The following ZNF610 variants were observed in gnomAD, a reference collection of about 807,000 sequenced individuals.
ZNF610 encodes the protein zink finger protein.
In ZNF610, 14 loss-of-function variants were observed where a neutral mutation model predicts 14.1. The observed-to-expected ratio is 0.99, with a 90% CI of 0.65 to 1.55. ZNF610 has a LOEUF of 1.55. Among genes scored for constraint, ZNF610 ranks in the 40% most tolerant of loss-of-function variants. ZNF610 has a pLI of 0.00. For synonymous variants in ZNF610, 185 were observed against 187.6 expected (o/e 0.99, Z 0.11); for missense variants, 530 against 558.0 (o/e 0.95, Z 0.51).
chr19:52,349,051 G>A, intron 2 of ZNF610, 103 bp from the exon 3 acceptor site: 1 of 754,098 alleles, frequency 1.3e-6, no homozygotes, highest in Non-Finnish European at 2.2e-6. Context: ...GGCAACAGAG[G>A]ACATCTTTCC....
intron 5 of ZNF610, among the ~76,000 whole-genome samples, chr19:52,358,808 G>A (rs321940): frequency 0.45 from 68,531 of 152,010 alleles, 16,021 homozygotes; most frequent in African/African-American, 0.58. Flanking sequence ...TCATGAATTG[G>A]CTTTCAGATA....
At chr19:52,338,123 C>T (rs1490778286) in intron 1 of ZNF610, among the ~76,000 whole-genome samples, 1 of 152,200 alleles carries the variant, frequency 6.6e-6, no homozygotes, top group African/African-American at 2.4e-5. Context: ...GCCTCAGATT[C>T]TACAGGTTGA....
chr19:52,352,307 C>T (rs767636086), intron 3 of ZNF610, among the ~76,000 whole-genome samples: 6 of 152,068 alleles, frequency 3.9e-5, no homozygotes, highest in Admixed American at 2.6e-4. Context: ...GGCGTGATCT[C>T]GGCTCACTGC....
chr19:52,365,580 A>G, intron 5 of ZNF610, 118 bp from the exon 6 acceptor site: 1 of 916,552 alleles, frequency 1.1e-6, no homozygotes, highest in Non-Finnish European at 1.7e-6. Context: ...TGTGACATGC[A>G]AAGTATGCCG....
rs186676334 is a variant in ZNF610 at position 52,363,846 on chromosome 19, T to C, written c.320-1852T>C. Among the ~76,000 whole-genome samples the C allele has an allele frequency of 9.8e-5, 15 of 152,346 alleles. No homozygotes were observed. In the East Asian group the frequency reaches 2.9e-3, roughly 29 times the overall value. ...AAATCATTTGTATTTCACATACTCA[T>C]AGAGAAGGCCTTAATAGTGCCATCT... On this transcript the variant is annotated intron_variant, in intron 5 of 5. Coordinates refer to ENST00000403906, the MANE Select transcript of ZNF610 (RefSeq NM_001161425.2).
chr19:52,357,911 T>G (rs545763865), intron 5 of ZNF610, among the ~76,000 whole-genome samples: 1 of 152,006 alleles, frequency 6.6e-6, no homozygotes, highest in Non-Finnish European at 1.5e-5. Context: ...TGTCCTGGAG[T>G]TGGCTTGTGC....
At chr19:52,365,601 C>A in intron 5 of ZNF610, 97 bp from the exon 6 acceptor site, 1 of 1,064,666 alleles carries the variant, frequency 9.4e-7, no homozygotes. Context: ...ATACTTCTTC[C>A]AGTGTCTGAG....
intron 5 of ZNF610, among the ~76,000 whole-genome samples, chr19:52,356,154 A>G (rs1038148700): frequency 2.0e-5 from 3 of 152,168 alleles, no homozygotes; most frequent in Admixed American, 6.5e-5. Context: ...GAAGAGACCA[A>G]TGTATGTATG....
intron 5 of ZNF610, among the ~76,000 whole-genome samples, chr19:52,362,787 C>A (rs1985843651): frequency 6.6e-6 from 1 of 152,064 alleles, no homozygotes; most frequent in Admixed American, 6.6e-5. Flanking sequence ...TTGTAGACTT[C>A]TAAATGTTTA....
At chr19:52,340,200 A>C (rs1984613949) in intron 1 of ZNF610, among the ~76,000 whole-genome samples, 2 of 152,162 alleles carry the variant, frequency 1.3e-5, no homozygotes, top group African/African-American at 4.8e-5. Flanking sequence ...CAGGAGTTCG[A>C]GACTAGCCTG....
chr19:52,335,506 C>T (rs1264627479), upstream of ZNF610, among the ~76,000 whole-genome samples: 1 of 152,160 alleles, frequency 6.6e-6, no homozygotes, highest in African/African-American at 2.4e-5. Flanking sequence ...CGGAAACTCT[C>T]TAGAGATGAG....
Position 52,365,971 on chromosome 19 carries a change from G to C in ZNF610, c.593G>C (p.Arg198Thr). Residue 198 changes from arginine (R) to threonine (T), a missense_variant, in exon 6 of 6, where the codon AGA becomes ACA. Arg to Thr is a moderately conservative substitution (Grantham distance 71). Coordinates refer to ENST00000403906, the MANE Select transcript of ZNF610 (RefSeq NM_001161425.2). ...LLPQEEKAYI[R>T]GKSYEYECSE... ...CCACAAGAAGAGAAAGCATACATTA[G>C]AGGAAAATCTTATGAATATGAATGT... The C allele has an allele frequency of 6.2e-7, 1 of 1,614,084 alleles. No individual in the cohort carries two copies. The highest frequency in any genetic ancestry group is 8.5e-7 in the Non-Finnish European group (1 of 1,180,028).
intron 2 of ZNF610, among the ~76,000 whole-genome samples, chr19:52,348,684 T>G (rs1985083924): frequency 6.6e-6 from 1 of 152,184 alleles, no homozygotes; most frequent in Non-Finnish European, 1.5e-5. Flanking sequence ...TAGAGGTCAG[T>G]ACTGTTTGAG....
At chr19:52,338,926 C>T (rs1019885116) in intron 1 of ZNF610, among the ~76,000 whole-genome samples, 3 of 149,682 alleles carry the variant, frequency 2.0e-5, no homozygotes, top group African/African-American at 7.6e-5. Flanking sequence ...AGGACCCGCG[C>T]CGGCCCGGTC....
chr19:52,353,950 C>T (rs1034562824), intron 4 of ZNF610, 142 bp downstream of exon 4: 3 of 1,172,332 alleles, frequency 2.6e-6, no homozygotes, highest in African/African-American at 3.1e-5. Context: ...CTATTATGCT[C>T]TCTGGATTTG....
At chr19:52,338,923 GCGC>G (rs1984518498) in intron 1 of ZNF610, among the ~76,000 whole-genome samples, 1 of 125,702 alleles carries the variant, frequency 8.0e-6, no homozygotes, top group Non-Finnish European at 1.8e-5. Context: ...CGGAGGACCC[GCGC>G]CGGCCCGGTC....
intron 5 of ZNF610, among the ~76,000 whole-genome samples, chr19:52,355,385 C>T (rs954038570): frequency 7.2e-5 from 11 of 152,196 alleles, no homozygotes; most frequent in African/African-American, 2.7e-4. Context: ...CCAGCCCCCT[C>T]TGCCTGTTCA....
chr19:52,352,812 A>C (rs1985322156), intron 3 of ZNF610, among the ~76,000 whole-genome samples: 1 of 149,934 alleles, frequency 6.7e-6, no homozygotes, highest in South Asian at 2.1e-4. Context: ...ATGTTTTATG[A>C]GATGTTCTTG....
chr19:52,362,822 G>T (rs551780418), intron 5 of ZNF610, among the ~76,000 whole-genome samples: 1 of 152,196 alleles, frequency 6.6e-6, no homozygotes, highest in African/African-American at 2.4e-5. Context: ...GTCATAACAT[G>T]AAGTCCATCC....
Sources: allele counts gnomAD v4.1 joint callset (sites outside exome capture counted in the v4.1 genomes callset), GRCh38; gene constraint gnomAD v4.1.1; transcripts MANE v1.5; gene names NCBI Gene and HGNC (gene_info 2026-07-23, HGNC 2026-07-21).